Variants in HSF1 observed in about 807,000 individuals in gnomAD.
HSF1 encodes the protein heat shock transcription factor 1.
HSF1 carries 32 observed loss-of-function variants against 51.7 expected under a neutral mutation model. The ratio of observed to expected loss-of-function variants is 0.62; its 90% confidence interval spans 0.47 to 0.83. HSF1 has a LOEUF of 0.83. Among genes scored for constraint, HSF1 ranks in the 40% least tolerant of loss-of-function variants. The pLI, the probability that HSF1 is intolerant of heterozygous loss-of-function variation, is 0.00. For synonymous variants in HSF1, 396 were observed against 309.7 expected (o/e 1.28, Z -2.92); for missense variants, 727 against 717.0 (o/e 1.01, Z -0.16).
chr8:144,305,627 T>A (rs1455548175), intron 1 of HSF1, among the ~76,000 whole-genome samples: 1 of 151,512 alleles, frequency 6.6e-6, no homozygotes, highest in Non-Finnish European at 1.5e-5. Flanking sequence ...TCCTTCTGTC[T>A]TTTTTTCTCC....
chr8:144,305,591 G>A (rs1205059725), intron 1 of HSF1, among the ~76,000 whole-genome samples: 1 of 152,082 alleles, frequency 6.6e-6, no homozygotes, highest in Non-Finnish European at 1.5e-5. Flanking sequence ...GTGAGCCACT[G>A]CGCCTGGCCG....
In HSF1 at chr8:144,309,334, G is replaced by C. The variant is rs541244258; in HGVS notation, c.227-121G>C. On this transcript the variant is annotated intron_variant, in intron 2 of 12. Transcript: ENST00000528838. ...TCGGCCACCCAGGCATGGGCTCTGA[G>C]GGGGCAGGGCAGGGTCTGACCATGG... 482 of 1,402,764 alleles carry C rather than the reference G, an allele frequency of 3.4e-4. 2 individuals are homozygous for C. The South Asian group carries it at 6.0e-3, about 18-fold the overall frequency. 86.9% of individuals were successfully genotyped at this position (1,402,764 alleles called of 1,614,324 possible).
intron 3 of HSF1, 30 bp from the exon 4 acceptor site, chr8:144,309,742 C>T: frequency 6.2e-7 from 1 of 1,610,458 alleles, no homozygotes; most frequent in South Asian, 1.1e-5. Flanking sequence ...TAGGCTGCTC[C>T]AGTGACTCCT....
Position 144,314,315 on chromosome 8 carries a change from C to G in HSF1, c.1575C>G (p.Asp525Glu). 1.3e-6 allele frequency: 2 copies of G among 1,550,190 alleles called. No homozygotes were observed. The highest frequency in any genetic ancestry group is 1.7e-6 in the Non-Finnish European group (2 of 1,146,806). Reference protein sequence around the residue: ...LTGSEPPKAKDPTVS With the variant: ...LTGSEPPKAKEPTVS ...GCTCGGAGCCTCCCAAAGCCAAGGACCCCACTGTCTCCTAGAGGCCCCGGA... is the reference window on the plus strand; with the variant it reads ...GCTCGGAGCCTCCCAAAGCCAAGGAGCCCACTGTCTCCTAGAGGCCCCGGA... The change falls in exon 13 of 13, where the codon GAC becomes GAG. Residue 525 changes from aspartate (D) to glutamate (E), a missense_variant. By Grantham distance (45) the Asp-to-Glu change is conservative (BLOSUM62 2). Transcript: ENST00000528838.
At chr8:144,293,849 C>T (rs782119149) in intron 1 of HSF1, among the ~76,000 whole-genome samples, 4 of 150,986 alleles carry the variant, frequency 2.6e-5, no homozygotes, top group South Asian at 2.1e-4. Flanking sequence ...ATCCTACTAG[C>T]GTGATCTGTC....
intron 1 of HSF1, among the ~76,000 whole-genome samples, chr8:144,308,391 G>A (rs982537699): frequency 3.3e-5 from 5 of 152,218 alleles, no homozygotes; most frequent in Admixed American, 1.3e-4. Context: ...CTTGTCTCAC[G>A]TCACAAAACA....
chr8:144,298,893 T>C (rs553550960), intron 1 of HSF1, among the ~76,000 whole-genome samples: 218 of 152,256 alleles, frequency 1.4e-3, no homozygotes, highest in African/African-American at 5.1e-3. Context: ...CAAGAGCAAC[T>C]TGAAGGGGAA....
rs147295049 is a variant in HSF1, at chr8:144,309,518, C to T, written c.290C>T (p.Thr97Met). 157 of 1,613,984 alleles carry T rather than the reference C, an allele frequency of 9.7e-5. No homozygotes were observed. The highest frequency in any genetic ancestry group is 5.8e-5 in the Non-Finnish European group (69 of 1,180,030). Residue 97 changes from threonine (T) to methionine (M), a missense_variant, in exon 3 of 13, where the codon ACG becomes ATG. Around this residue, in one of 2 missense-constraint regions of HSF1, gnomAD observed 257 missense variants for 318.3 expected, o/e 0.81. Coordinates refer to ENST00000528838, the MANE Select transcript of HSF1 (RefSeq NM_005526.4). ...GGLVKPERDD[T>M]EFQHPCFLRG... ...CTGGTCAAGCCAGAGAGAGACGACA[C>T]GGAGTTCCAGCACCCATGCTTCCTG...
rs1816889087 is a variant in HSF1 at position 144,313,654 on chromosome 8, CTCCCCG to C, written c.1248+39_1248+44del. The C allele has an allele frequency of 7.0e-5, 18 of 256,850 alleles. No homozygotes were observed. The African/African-American group carries it at 7.1e-4, about 10-fold the overall frequency. 15.9% of individuals were successfully genotyped at this position (256,850 alleles called of 1,614,324 possible). On this transcript the variant is annotated intron_variant, in intron 10 of 12. Coordinates refer to ENST00000528838, the MANE Select transcript of HSF1 (RefSeq NM_005526.4). Reference sequence around the variant, plus strand: ...CCGCCGCCCCGCCTCCCCGCCCCGCCTCCCCGCCGCGCCGCCCCGCCTCCCCGCCCC... The same window carrying C: ...CCGCCGCCCCGCCTCCCCGCCCCGCCCCGCGCCGCCCCGCCTCCCCGCCCC...
At position 144,312,150 on chromosome 8, in the gene HSF1, G is replaced by T; in HGVS notation, c.1048G>T (p.Asp350Tyr). ...CCCCGCCTCCGTCACAGCCCTCACGGACGCCAGGGGCCACACGGACACCGA... is the reference window on the plus strand; with the variant it reads ...CCCCGCCTCCGTCACAGCCCTCACGTACGCCAGGGGCCACACGGACACCGA... ...PAPASVTALT[D>Y]ARGHTDTEGR... The change falls in exon 9 of 13, where the codon GAC becomes TAC. Residue 350 changes from aspartate to tyrosine, a missense_variant. This residue lies in a region of HSF1 where 470 missense variants were observed against 398.8 expected (regional missense o/e 1.18). Transcript: ENST00000528838. 6.2e-7 allele frequency: 1 copy of T among 1,611,406 alleles called. No individual in the cohort carries two copies.
chr8:144,309,477 C>T lies in HSF1; in HGVS notation c.249C>T (p.His83=). Residue 83 remains histidine (H), a synonymous_variant, in exon 3 of 13, where the codon CAC becomes CAT. Transcript: ENST00000528838. ...LNMYGFRKVV[H]IEQGGLVKPE... is the part of the protein sequence containing the mutation. ...CAGATGGCTTCCGGAAAGTGGTCCA[C>T]ATCGAGCAGGGCGGCCTGGTCAAGC... is the stretch of plus-strand genomic sequence containing the variant. 6.2e-7 allele frequency: 1 copy of T among 1,614,020 alleles called. No individual in the cohort carries two copies. The highest frequency in any genetic ancestry group is 1.3e-5 in the African/African-American group (1 of 75,052).
rs1817018644 is a variant in HSF1, at chr8:144,313,951, C to T, written c.1315-34C>T. 2.5e-6 allele frequency: 4 copies of T among 1,610,188 alleles called. No homozygotes were observed. The Admixed American group carries it at 5.0e-5, about 20-fold the overall frequency. Reference sequence around the variant, plus strand: ...GGGGGGTGAGGGGGAACGAGACCAGCGGGAGTGCTCACAATACCGTCTCCA... The same window carrying T: ...GGGGGGTGAGGGGGAACGAGACCAGTGGGAGTGCTCACAATACCGTCTCCA... On this transcript the variant is annotated intron_variant, in intron 11 of 12. Coordinates refer to ENST00000528838, the MANE Select transcript of HSF1 (RefSeq NM_005526.4).
At chr8:144,309,155 G>A (rs1364616378) in intron 2 of HSF1, 141 bp downstream of exon 2, 12 of 731,498 alleles carry the variant, frequency 1.6e-5, no homozygotes, top group Non-Finnish European at 2.5e-5. Flanking sequence ...AAGCCTGGGG[G>A]CCGGGGAGCA....
intron 1 of HSF1, among the ~76,000 whole-genome samples, chr8:144,296,793 C>T (rs1415118979): frequency 3.0e-5 from 4 of 132,180 alleles, no homozygotes; most frequent in East Asian, 2.1e-4. Context: ...GGTGACAGAG[C>T]GGGACTCCAT....
chr8:144,308,355 T>A (rs1415189581), intron 1 of HSF1, among the ~76,000 whole-genome samples: 3 of 152,212 alleles, frequency 2.0e-5, no homozygotes, highest in African/African-American at 7.2e-5. Context: ...GAGGAAGGTA[T>A]ATGCAGTGTT....
In HSF1 at chr8:144,313,970, G is replaced by A. The variant is rs535832397; in HGVS notation, c.1315-15G>A. 1.0e-4 allele frequency: 167 copies of A among 1,610,726 alleles called. No individual in the cohort carries two copies. The Admixed American group carries it at 2.1e-3, about 20-fold the overall frequency. ...GACCAGCGGGAGTGCTCACAATACC[G>A]TCTCCACCCCACAGATCCAAGAGCT... On this transcript the variant is annotated splice_polypyrimidine_tract_variant and intron_variant, in intron 11 of 12. Transcript: ENST00000528838.
At position 144,313,905 on chromosome 8, in the gene HSF1, G is replaced by A. The variant is rs782160018; in HGVS notation, c.1308G>A (p.Leu436=). The A allele has an allele frequency of 5.0e-6, 8 of 1,608,950 alleles. No individual in the cohort carries two copies. The highest frequency in any genetic ancestry group is 1.7e-5 in the Admixed American group (1 of 59,496). The change falls in exon 11 of 13, where the codon CTG becomes CTA. Residue 436 remains leucine, a synonymous_variant. Coordinates refer to ENST00000528838, the MANE Select transcript of HSF1 (RefSeq NM_005526.4). ...DMSLPDLDSS[L]ASIQELLSPQ... ...GCCTGCCTGACCTTGACAGCAGCCT[G>A]GCCAGTGTGCGTAGGCGGGCGGGGG... is the stretch of plus-strand genomic sequence containing the variant.
intron 11 of HSF1, 34 bp downstream of exon 11, chr8:144,313,945 G>A: frequency 6.2e-7 from 1 of 1,610,616 alleles, no homozygotes; most frequent in South Asian, 1.1e-5. Context: ...GGGGGAACGA[G>A]ACCAGCGGGA....
intron 1 of HSF1, among the ~76,000 whole-genome samples, chr8:144,308,299 A>G (rs1439170779): frequency 1.3e-5 from 2 of 152,190 alleles, no homozygotes; most frequent in African/African-American, 2.4e-5. Context: ...CTCCCTCACC[A>G]GCGCCTCCTG....
Sources: gnomAD v4.1 joint callset for allele counts (sites outside exome capture counted in the v4.1 genomes callset) on GRCh38, gnomAD v4.1.1 for gene constraint, gnomAD v4.1.1 regional missense constraint, MANE v1.5 for transcripts, NCBI Gene and HGNC (gene_info 2026-07-23, HGNC 2026-07-21) for gene names.